RAD51: variants seen among roughly 807,000 people sequenced by gnomAD.
RAD51 encodes the protein DNA repair protein RAD51 homolog 1.
Under a neutral mutation model 41.5 loss-of-function variants are expected in RAD51, and 14 were observed. The ratio of observed to expected loss-of-function variants is 0.34; its 90% CI spans 0.22 to 0.53. The LOEUF (loss-of-function observed/expected upper bound fraction) is 0.53, where lower values mean the gene tolerates loss of function less well. Ranked by LOEUF, RAD51 falls within the 20% of genes least tolerant of loss-of-function variation. The pLI is 0.95. For synonymous variants in RAD51, 136 were observed against 148.6 expected (o/e 0.92, Z 0.62); for missense variants, 234 against 422.0 (o/e 0.55, Z 3.90).
chr15:40,712,623 C>T (rs1046556673), intron 5 of RAD51, among the ~76,000 whole-genome samples: 27 of 151,946 alleles, frequency 1.8e-4, no homozygotes, highest in African/African-American at 3.4e-4. Context: ...TATCCTTGAA[C>T]CTGGCCCATG....
intron 3 of RAD51, among the ~76,000 whole-genome samples, chr15:40,705,171 G>C (rs1287489919): frequency 6.6e-6 from 1 of 152,154 alleles, no homozygotes; most frequent in Non-Finnish European, 1.5e-5. Flanking sequence ...TTTTCTTGGA[G>C]CCCATACGTT....
chr15:40,718,751 C>T, intron 5 of RAD51, 54 bp from the exon 6 acceptor site: 7 of 1,432,810 alleles, frequency 4.9e-6, no homozygotes, highest in Middle Eastern at 1.8e-4. Context: ...GGAGCTTGGT[C>T]AGCTGTATCA....
rs1896864536 is a variant in RAD51 at position 40,731,263 on chromosome 15, C to G, written c.*85C>G. 1 of 1,572,122 alleles carries G rather than the reference C, an allele frequency of 6.4e-7. No homozygotes were observed. The highest frequency in any genetic ancestry group is 8.7e-7 in the Non-Finnish European group (1 of 1,144,742). On this transcript the variant is annotated 3_prime_UTR_variant, in exon 10 of 10. Transcript: ENST00000267868. ...GCTCCCTGGGGTTCTCTACAGGCCT[C>G]TTCCTGTTGTGACTGCCAGGATAAA...
intron 4 of RAD51, among the ~76,000 whole-genome samples, chr15:40,706,895 A>T (rs927586005): frequency 2.0e-5 from 3 of 152,232 alleles, no homozygotes; most frequent in African/African-American, 7.2e-5. Flanking sequence ...ACAGGGTTGA[A>T]AACCTGATGA....
intron 4 of RAD51, among the ~76,000 whole-genome samples, chr15:40,707,392 C>T (rs1895419600): frequency 6.6e-6 from 1 of 151,186 alleles, no homozygotes; most frequent in Admixed American, 6.6e-5. Flanking sequence ...CTGCAACCTC[C>T]GCCTCCTGGG....
Position 40,710,928 on chromosome 15 carries a change from C to T in RAD51, c.435+1812C>T, listed in dbSNP as rs188927445. ...CAGTATACAAATATGTCTAGTGTCT[C>T]CTCCATTAGGAAAAAACCTTCCCTG... On this transcript the variant is annotated intron_variant, in intron 5 of 9. Coordinates refer to ENST00000267868, the MANE Select transcript of RAD51 (RefSeq NM_002875.5). Among the ~76,000 whole-genome samples the T allele has an allele frequency of 1.1e-4, 17 of 152,306 alleles. No homozygotes were observed. The East Asian group carries it at 2.3e-3, about 21-fold the overall frequency.
intron 3 of RAD51, among the ~76,000 whole-genome samples, 156 bp downstream of exon 3, chr15:40,701,357 TTTTCTTTTTTTTTTC>T (rs1294534584): frequency 2.7e-5 from 4 of 147,856 alleles, no homozygotes; most frequent in African/African-American, 7.4e-5. Flanking sequence ...TTTTCTTTTC[TTTTCTTTTTTTTTTC>T]TTTCTTTTTT....
rs138569304 is a variant in RAD51 at position 40,711,218 on chromosome 15, G to A, written c.435+2102G>A. On this transcript the variant is annotated intron_variant, in intron 5 of 9. Transcript: ENST00000267868. ...GAGACCAGCCTGGGCAACATAGTGA[G>A]ACCCTGTTTCTGAGATGCCATTTCT... is the stretch of plus-strand genomic sequence containing the variant. Among the ~76,000 whole-genome samples the A allele has an allele frequency of 4.3e-4, 65 of 152,268 alleles. No individual in the cohort carries two copies. In the East Asian group the frequency reaches 0.012, roughly 28 times the overall value.
At chr15:40,721,909 T>C (rs1321965189) in intron 6 of RAD51, among the ~76,000 whole-genome samples, 1 of 152,186 alleles carries the variant, frequency 6.6e-6, no homozygotes, top group Admixed American at 6.5e-5. Flanking sequence ...CACAATAGCT[T>C]TGGAAATAAC....
intron 5 of RAD51, among the ~76,000 whole-genome samples, chr15:40,716,981 A>G (rs1896023271): frequency 6.6e-6 from 1 of 151,712 alleles, no homozygotes; most frequent in Non-Finnish European, 1.5e-5. Flanking sequence ...CTACTTTTAT[A>G]TTGTTTAGAT....
chr15:40,711,974 A>T (rs1895726031), intron 5 of RAD51, among the ~76,000 whole-genome samples: 1 of 151,648 alleles, frequency 6.6e-6, no homozygotes, highest in Admixed American at 6.6e-5. Context: ...TGGGAGGTGG[A>T]GGCGGGAGAA....
chr15:40,727,846 T>C (rs944041927), intron 6 of RAD51, among the ~76,000 whole-genome samples: 1 of 151,104 alleles, frequency 6.6e-6, no homozygotes, highest in African/African-American at 2.4e-5. Context: ...CACTGGGTTT[T>C]ATGTAAACAT....
At chr15:40,710,501 CAAAAAAAAAAAAAA>C (rs747933816) in intron 5 of RAD51, among the ~76,000 whole-genome samples, 3 of 48,764 alleles carry the variant, frequency 6.2e-5, no homozygotes, top group African/African-American at 1.9e-4. Flanking sequence ...GACTCTGTCT[CAAAAAAAAAAAAAA>C]AAAAAAAAAG....
chr15:40,715,956 C>T (rs138887886), intron 5 of RAD51, among the ~76,000 whole-genome samples: 33 of 152,316 alleles, frequency 2.2e-4, no homozygotes, highest in African/African-American at 7.0e-4. Context: ...CCAAGTCTTT[C>T]TTTAGGCATG....
chr15:40,731,233 G>C lies in RAD51; in HGVS notation c.*55G>C, dbSNP rs572082069. The C allele has an allele frequency of 6.2e-7, 1 of 1,610,856 alleles. No individual in the cohort carries two copies. The highest frequency in any genetic ancestry group is 8.5e-7 in the Non-Finnish European group (1 of 1,177,644). ...TTAAGTGCTGCAGCCTAATGAGAGT[G>C]CACTGCTCCCTGGGGTTCTCTACAG... On this transcript the variant is annotated 3_prime_UTR_variant, in exon 10 of 10. Coordinates refer to ENST00000267868, the MANE Select transcript of RAD51 (RefSeq NM_002875.5).
intron 6 of RAD51, among the ~76,000 whole-genome samples, chr15:40,720,945 G>C (rs930255978): frequency 6.6e-6 from 1 of 152,232 alleles, no homozygotes; most frequent in African/African-American, 2.4e-5. Flanking sequence ...ACTTTGGGAG[G>C]CCAAGGTGGG....
chr15:40,707,862 C>T (rs1895450134), intron 4 of RAD51, among the ~76,000 whole-genome samples: 1 of 151,960 alleles, frequency 6.6e-6, no homozygotes, highest in African/African-American at 2.4e-5. Flanking sequence ...CAATGACAGG[C>T]ACCCGCCACC....
intron 1 of RAD51, among the ~76,000 whole-genome samples, chr15:40,697,039 C>G (rs1338603481): frequency 2.0e-5 from 3 of 152,162 alleles, no homozygotes; most frequent in Non-Finnish European, 4.4e-5. Context: ...ACTTGTCACT[C>G]TCTTAGTGGT....
chr15:40,709,008 T>G lies in RAD51; in HGVS notation c.344-17T>G. 1 of 1,597,322 alleles carries G rather than the reference T, an allele frequency of 6.3e-7. No homozygotes were observed. The highest frequency in any genetic ancestry group is 1.1e-5 in the South Asian group (1 of 90,714). ...TGTTTGTATTATGCTAAGAGTTATT[T>G]CTTATCGCTTTTTTAGGTGGAATTG... On this transcript the variant is annotated splice_polypyrimidine_tract_variant and intron_variant, in intron 4 of 9. Coordinates refer to ENST00000267868, the MANE Select transcript of RAD51 (RefSeq NM_002875.5).
Sources: allele counts gnomAD v4.1 joint callset (sites outside exome capture counted in the v4.1 genomes callset), GRCh38; gene constraint gnomAD v4.1.1; transcripts MANE v1.5; gene names NCBI Gene and HGNC (gene_info 2026-07-23, HGNC 2026-07-21).